The following HIPK3 variants were observed in gnomAD, a reference collection of about 807,000 sequenced individuals.
HIPK3 encodes the protein homeodomain-interacting protein kinase 3.
HIPK3 carries 47 observed loss-of-function variants against 124.2 expected under a neutral mutation model. That is an observed-to-expected ratio of 0.38 (90% CI 0.30 to 0.48). The LOEUF is 0.48. HIPK3 is among the 20% of genes least tolerant of loss of function. The pLI is 0.98. For missense variants in HIPK3, 1,286 were observed against 1,454.3 expected (o/e 0.88, Z 1.88); for synonymous variants, 482 against 515.2 (o/e 0.94, Z 0.87).
In HIPK3 at chr11:33,354,857, T is replaced by C. The variant is rs1177522900; in HGVS notation, c.*1289T>C. On this transcript the variant is annotated 3_prime_UTR_variant, in exon 17 of 17. Coordinates refer to ENST00000303296, the MANE Select transcript of HIPK3 (RefSeq NM_005734.5). ...CCCCCCTTCCCCGACATTTTTTTCTTTTTTGGGTGGTGGTGATGGTAGTGG... is the reference window on the plus strand; with the variant it reads ...CCCCCCTTCCCCGACATTTTTTTCTCTTTTGGGTGGTGGTGATGGTAGTGG... 1 of 152,026 alleles carries C rather than the reference T, an allele frequency of 6.6e-6. No homozygotes were observed. Among genetic ancestry groups the C allele is most frequent in the African/African-American group, 2.4e-5 (1 of 41,430 alleles). 9.4% of individuals were successfully genotyped at this position (152,026 alleles called of 1,614,324 possible).
At chr11:33,305,754 T>C (rs1852138208) in intron 2 of HIPK3, among the ~76,000 whole-genome samples, 1 of 152,330 alleles carries the variant, frequency 6.6e-6, no homozygotes, top group Non-Finnish European at 1.5e-5. Context: ...TTTGTTTGTT[T>C]GTTTTTTAAG....
intron 2 of HIPK3, among the ~76,000 whole-genome samples, chr11:33,318,257 G>A (rs1232177695): frequency 6.6e-6 from 1 of 151,638 alleles, no homozygotes; most frequent in African/African-American, 2.4e-5. Context: ...ATAGAGATGG[G>A]GGTCTCACTA....
intron 4 of HIPK3, among the ~76,000 whole-genome samples, chr11:33,338,022 C>G (rs992948048): frequency 2.6e-5 from 4 of 152,118 alleles, no homozygotes; most frequent in African/African-American, 7.2e-5. Flanking sequence ...CACTAACTCT[C>G]TAATTCAGCA....
At chr11:33,273,303 G>A (rs1434083544) in intron 1 of HIPK3, among the ~76,000 whole-genome samples, 1 of 152,024 alleles carries the variant, frequency 6.6e-6, no homozygotes, top group African/African-American at 2.4e-5. Flanking sequence ...AGGAGATCAA[G>A]ACCATCCTGG....
intron 1 of HIPK3, among the ~76,000 whole-genome samples, chr11:33,267,881 A>T (rs1478366819): frequency 2.6e-5 from 4 of 152,182 alleles, no homozygotes; most frequent in Non-Finnish European, 5.9e-5. Flanking sequence ...AATGGCAAGT[A>T]TTTTATTGTT....
intron 2 of HIPK3, among the ~76,000 whole-genome samples, chr11:33,305,897 A>G (rs1852144639): frequency 6.7e-6 from 1 of 150,306 alleles, no homozygotes; most frequent in Non-Finnish European, 1.5e-5. Flanking sequence ...TCCAGGCTGG[A>G]GTGTAGTGGT....
At chr11:33,288,404 G>A (rs983991533) in intron 2 of HIPK3, among the ~76,000 whole-genome samples, 5 of 152,130 alleles carry the variant, frequency 3.3e-5, no homozygotes, top group African/African-American at 1.2e-4. Context: ...GCAGTGAGCC[G>A]AGATCATGCC....
At chr11:33,334,608 C>T (rs1397418162) in intron 3 of HIPK3, among the ~76,000 whole-genome samples, 1 of 151,318 alleles carries the variant, frequency 6.6e-6, no homozygotes, top group Non-Finnish European at 1.5e-5. Flanking sequence ...TTGTCTTGGG[C>T]CACACATAAA....
intron 3 of HIPK3, 52 bp downstream of exon 3, chr11:33,328,685 CAGA>C (rs1287409853): frequency 6.5e-7 from 1 of 1,543,650 alleles, no homozygotes; most frequent in East Asian, 2.3e-5. Flanking sequence ...AGAATAATAA[CAGA>C]CTTACAGGAA....
intron 2 of HIPK3, among the ~76,000 whole-genome samples, chr11:33,312,765 T>C (rs150405696): frequency 3.6e-4 from 55 of 152,324 alleles, no homozygotes; most frequent in Admixed American, 6.5e-4. Flanking sequence ...CAAGCACTCT[T>C]AACTTGTGAT....
chr11:33,307,792 G>A (rs72917486), intron 2 of HIPK3, among the ~76,000 whole-genome samples: 6,259 of 151,776 alleles, frequency 0.041, 172 homozygotes, highest in Non-Finnish European at 0.064. Context: ...GTGAGACAGT[G>A]AGTGATTTTA....
At chr11:33,271,198 T>C (rs1044008468) in intron 1 of HIPK3, among the ~76,000 whole-genome samples, 5 of 152,202 alleles carry the variant, frequency 3.3e-5, no homozygotes, top group Admixed American at 1.3e-4. Flanking sequence ...ATATAAATGT[T>C]TTGGCGTATT....
chr11:33,322,860 TTCCTTTTTG>T (rs1852705544), intron 2 of HIPK3, among the ~76,000 whole-genome samples: 1 of 152,162 alleles, frequency 6.6e-6, no homozygotes, highest in African/African-American at 2.4e-5. Context: ...TGGCCACTGT[TTCCTTTTTG>T]AATATATGTT....
chr11:33,330,899 T>G (rs541560099), intron 3 of HIPK3, among the ~76,000 whole-genome samples: 1 of 152,166 alleles, frequency 6.6e-6, no homozygotes, highest in Admixed American at 6.5e-5. Context: ...CTTTTTCTTT[T>G]TTGAGACAGG....
Position 33,348,573 on chromosome 11 carries a change from A to C in HIPK3, c.2421A>C (p.Pro807=), listed in dbSNP as rs1485057511. The change falls in exon 13 of 17, where the codon CCA becomes CCC. Residue 807 remains proline, a synonymous_variant. Coordinates refer to ENST00000303296, the MANE Select transcript of HIPK3 (RefSeq NM_005734.5). ...TCCCACATTCAGCATTTATTTCTCCAAAGATAATTAATGGGAAAGATGTCG... is the reference window on the plus strand; with the variant it reads ...TCCCACATTCAGCATTTATTTCTCCCAAGATAATTAATGGGAAAGATGTCG... ...TNIPHSAFIS[P]KIINGKDVEE... 3 of 1,613,276 alleles carry C rather than the reference A, an allele frequency of 1.9e-6. No homozygotes were observed. The Admixed American group carries it at 5.0e-5, about 27-fold the overall frequency.
chr11:33,283,353 G>A (rs1217346059), intron 1 of HIPK3, among the ~76,000 whole-genome samples: 1 of 152,038 alleles, frequency 6.6e-6, no homozygotes, highest in African/African-American at 2.4e-5. Flanking sequence ...CTCGTGATCC[G>A]CCCACCTCGG....
At position 33,328,445 on chromosome 11, in the gene HIPK3, C is replaced by A. The variant is rs1852872850; in HGVS notation, c.1098-65C>A. Reference sequence around the variant, plus strand: ...GTCATTTTACCAACTTCCTAGAATGCCAGTTGAAATTAGGTAATTTTAGAG... The same window carrying A: ...GTCATTTTACCAACTTCCTAGAATGACAGTTGAAATTAGGTAATTTTAGAG... On this transcript the variant is annotated intron_variant, in intron 2 of 16. Transcript: ENST00000303296. The A allele has an allele frequency of 2.0e-6, 3 of 1,488,990 alleles. No individual in the cohort carries two copies. The East Asian group carries it at 6.9e-5, about 34-fold the overall frequency. 92.2% of individuals were successfully genotyped at this position (1,488,990 alleles called of 1,614,324 possible). A position where few individuals can be genotyped will look rare whatever the true frequency, so the allele number is the denominator to read the frequency against.
chr11:33,263,476 TG>T (rs939469964), intron 1 of HIPK3, among the ~76,000 whole-genome samples: 1 of 152,080 alleles, frequency 6.6e-6, no homozygotes, highest in Non-Finnish European at 1.5e-5. Context: ...CCACCACACC[TG>T]GCTAATTTTT....
In HIPK3 at chr11:33,349,392, T is replaced by G. The variant is rs975122554; in HGVS notation, c.2807+105T>G. The G allele has an allele frequency of 1.1e-5, 10 of 891,060 alleles. No homozygotes were observed. In the African/African-American group the frequency reaches 1.7e-4, roughly 15 times the overall value. 55.2% of individuals were successfully genotyped at this position (891,060 alleles called of 1,614,324 possible). ...GTACCTGCCAGTTTACCACAGTGACTTCTATCTTGAACACAATTTTTGAAC... is the reference window on the plus strand; with the variant it reads ...GTACCTGCCAGTTTACCACAGTGACGTCTATCTTGAACACAATTTTTGAAC... On this transcript the variant is annotated intron_variant, in intron 14 of 16. Transcript: ENST00000303296.
Sources: gnomAD v4.1 joint callset for allele counts (sites outside exome capture counted in the v4.1 genomes callset) on GRCh38, gnomAD v4.1.1 for gene constraint, MANE v1.5 for transcripts, NCBI Gene and HGNC (gene_info 2026-07-23, HGNC 2026-07-21) for gene names.